The following DIAPH2 variants were observed in gnomAD, a reference collection of about 807,000 sequenced individuals.
The protein encoded by DIAPH2 is diaphanous related formin 2, also known as protein diaphanous homolog 2.
In DIAPH2, 35 loss-of-function variants were observed where a neutral mutation model predicts 92.7. That is an observed-to-expected ratio of 0.38 (90% CI 0.29 to 0.50). The LOEUF (loss-of-function observed/expected upper bound fraction) is 0.50. DIAPH2 is among the 20% of genes least tolerant of loss of function. DIAPH2 has a pLI of 0.94. For missense variants in DIAPH2, 701 were observed against 819.5 expected, an observed-to-expected ratio of 0.86 and a Z score of 1.77; for synonymous variants, 301 against 280.4, an observed-to-expected ratio of 1.07 and a Z score of -0.73.
chrX:97,350,008 A>T (rs1251824264), intron 24 of DIAPH2, among the ~76,000 whole-genome samples: 1 of 111,516 alleles, frequency 9.0e-6, no homozygotes, highest in African/African-American at 3.3e-5. Context: ...GGGTGAATGG[A>T]TATATAAGAA....
intron 4 of DIAPH2, among the ~76,000 whole-genome samples, chrX:96,873,645 TATACACAC>T (rs748710727): frequency 3.5e-4 from 24 of 68,537 alleles, no homozygotes; most frequent in South Asian, 1.8e-3. Flanking sequence ...TGCGTATATA[TATACACAC>T]ACACACACAC....
rs747419500 is a variant in DIAPH2, at chrX:97,113,234, A to T, written c.2350-1492A>T. 3.6e-5 allele frequency among the ~76,000 whole-genome samples: 4 copies of T among 111,644 alleles called. 1 individual carries two copies. The South Asian group carries it at 1.5e-3, about 42-fold the overall frequency. On this transcript the variant is annotated intron_variant, in intron 20 of 26. Transcript: ENST00000324765. ...TTTAAAGTTTTTTCTTCTTCCAGTG[A>T]ACACCTCCAGAACTTAATTTCTTTT...
chrX:97,264,235 C>G lies in DIAPH2; in HGVS notation c.2844+16396C>G, dbSNP rs957670382. ...TTATCTGATAATGCAGTATCATATG[C>G]CTAGAAGGCTTTTTTTCTCTATCCT... On this transcript the variant is annotated intron_variant, in intron 23 of 26. Transcript: ENST00000324765. Among the ~76,000 whole-genome samples, 174 of 111,611 alleles carry G rather than the reference C, an allele frequency of 1.6e-3. 2 individuals are homozygous for G. The highest frequency in any genetic ancestry group is 1.9e-3 in the Non-Finnish European group (99 of 53,180).
At chrX:97,503,350 A>C (rs1263535157) in intron 26 of DIAPH2, among the ~76,000 whole-genome samples, 1 of 112,154 alleles carries the variant, frequency 8.9e-6, no homozygotes, top group Admixed American at 9.5e-5. Context: ...CAAGGTTTAC[A>C]TGCACTTGAA....
intron 9 of DIAPH2, among the ~76,000 whole-genome samples, chrX:96,926,930 C>A (rs976977981): frequency 9.0e-6 from 1 of 111,141 alleles, no homozygotes; most frequent in Non-Finnish European, 1.9e-5. Context: ...ATAGATATGG[C>A]GGACCATTTT....
At chrX:96,774,425 C>T (rs1259673532) in intron 4 of DIAPH2, among the ~76,000 whole-genome samples, 3 of 111,871 alleles carry the variant, frequency 2.7e-5, no homozygotes, top group Non-Finnish European at 5.6e-5. Context: ...GAGAACCTTG[C>T]CCATGGAAAA....
At chrX:97,427,608 A>G (rs1189766647) in intron 25 of DIAPH2, among the ~76,000 whole-genome samples, 1 of 112,044 alleles carries the variant, frequency 8.9e-6, no homozygotes, top group African/African-American at 3.2e-5. Flanking sequence ...TGAAAAGAGC[A>G]GGTGATACTT....
intron 20 of DIAPH2, among the ~76,000 whole-genome samples, chrX:97,110,780 G>A (rs1039692593): frequency 3.6e-5 from 4 of 110,577 alleles, no homozygotes; most frequent in African/African-American, 1.3e-4. Flanking sequence ...TCAGGAGATC[G>A]AGACCATCTT....
intron 16 of DIAPH2, among the ~76,000 whole-genome samples, chrX:96,962,370 TATATATATACACATATATATACAC>T (rs1569436557): frequency 5.8e-5 from 3 of 51,668 alleles, no homozygotes; most frequent in African/African-American, 2.2e-4. Flanking sequence ...TATATACACA[TATATATATACACATATATATACAC>T]ATATATATAC....
At chrX:96,750,554 G>A (rs1433799396) in intron 3 of DIAPH2, among the ~76,000 whole-genome samples, 1 of 111,242 alleles carries the variant, frequency 9.0e-6, no homozygotes, top group East Asian at 2.8e-4. Flanking sequence ...CCTGACTCAG[G>A]AATCCTTCCC....
chrX:97,433,375 G>T (rs942903393), intron 26 of DIAPH2, among the ~76,000 whole-genome samples: 1 of 110,478 alleles, frequency 9.1e-6, no homozygotes, highest in Non-Finnish European at 1.9e-5. Context: ...AATTAGCCAA[G>T]CATGGTGGCA....
intron 23 of DIAPH2, among the ~76,000 whole-genome samples, chrX:97,284,244 A>G (rs1297652357): frequency 8.9e-6 from 1 of 111,992 alleles, no homozygotes; most frequent in African/African-American, 3.2e-5. Context: ...CAGCAAGCCA[A>G]GACAACAGTG....
At chrX:96,696,246 CTAAAA>C (rs2063824739) in intron 1 of DIAPH2, among the ~76,000 whole-genome samples, 1 of 110,969 alleles carries the variant, frequency 9.0e-6, no homozygotes. Context: ...GACCCTGACT[CTAAAA>C]GAAAAGAAAA....
chrX:97,594,673 GC>G (rs1469863969), intron 26 of DIAPH2, among the ~76,000 whole-genome samples: 1 of 112,814 alleles, frequency 8.9e-6, no homozygotes, highest in Non-Finnish European at 1.9e-5. Context: ...AGAAAGCAAA[GC>G]TCATTGTAAA....
At chrX:97,075,072 C>T in intron 18 of DIAPH2, 95 bp from the exon 19 acceptor site, 1 of 537,401 alleles carries the variant, frequency 1.9e-6, no homozygotes. Context: ...TGACAAATTT[C>T]ATATTTTGAG....
intron 23 of DIAPH2, among the ~76,000 whole-genome samples, chrX:97,337,919 C>T (rs2069079053): frequency 1.9e-5 from 2 of 104,656 alleles, no homozygotes; most frequent in African/African-American, 7.1e-5. Context: ...GTTGCTCAGG[C>T]TGGAGTGCAG....
At chrX:96,940,677 A>G (rs746102333) in intron 12 of DIAPH2, among the ~76,000 whole-genome samples, 7 of 112,055 alleles carry the variant, frequency 6.2e-5, no homozygotes, top group African/African-American at 2.3e-4. Flanking sequence ...GAGAGATAAA[A>G]AATGTTTAAA....
At chrX:97,516,110 G>A (rs962586585) in intron 26 of DIAPH2, among the ~76,000 whole-genome samples, 3 of 110,320 alleles carry the variant, frequency 2.7e-5, no homozygotes, top group Admixed American at 1.9e-4. Flanking sequence ...AAATTAGCTG[G>A]GTGTGGTGGC....
At chrX:96,927,278 T>G (rs1020897396) in intron 9 of DIAPH2, among the ~76,000 whole-genome samples, 1 of 88,445 alleles carries the variant, frequency 1.1e-5, no homozygotes, top group South Asian at 6.5e-4. Flanking sequence ...GTCTCTGGAG[T>G]TGAATTTTTT....
Sources: allele counts gnomAD v4.1 joint callset (sites outside exome capture counted in the v4.1 genomes callset), GRCh38; gene constraint gnomAD v4.1.1; transcripts MANE v1.5; gene names NCBI Gene and HGNC (gene_info 2026-07-23, HGNC 2026-07-21).